Variants in DLG1 observed in about 807,000 individuals in gnomAD.
DLG1 encodes the protein disks large homolog 1.
DLG1 carries 42 observed loss-of-function variants against 123.4 expected under a neutral mutation model. The ratio of observed to expected loss-of-function variants is 0.34; its 90% CI spans 0.27 to 0.44. The LOEUF is 0.44. Among genes scored for constraint, DLG1 ranks in the 20% least tolerant of loss-of-function variants. The pLI, the probability that DLG1 is intolerant of heterozygous loss-of-function variation, is 1.00. For synonymous variants in DLG1, 317 were observed against 356.2 expected (o/e 0.89, Z 1.24); for missense variants, 942 against 1,082.6 (o/e 0.87, Z 1.82).
rs1366653963 is a variant in DLG1, at chr3:197,085,705, T to C, written c.1713A>G (p.Gly571=). 19 of 1,613,802 alleles carry C rather than the reference T, an allele frequency of 1.2e-5. No homozygotes were observed. Among genetic ancestry groups the C allele is most frequent in the Non-Finnish European group, 1.6e-5 (19 of 1,179,962 alleles). Residue 571 remains glycine, a synonymous_variant, in exon 16 of 25, where the codon GGA becomes GGG. Transcript: ENST00000667157. ...KTKDSGLPSQ[G]LNFKFGDILH... is the part of the protein sequence containing the mutation. ...GGATATCTCCAAATTTGAAGTTCAG[T>C]CCCTGACTGGGAAGCCCACTGTCTT...
At chr3:197,099,794 C>T (rs1172452588) in intron 14 of DLG1, among the ~76,000 whole-genome samples, 1 of 152,074 alleles carries the variant, frequency 6.6e-6, no homozygotes, top group Non-Finnish European at 1.5e-5. Flanking sequence ...CCAAGAGAAA[C>T]AATTCTCAGA....
chr3:197,084,484 G>A (rs1753066972), intron 16 of DLG1, among the ~76,000 whole-genome samples: 1 of 151,764 alleles, frequency 6.6e-6, no homozygotes, highest in Non-Finnish European at 1.5e-5. Context: ...GCTAATGTTT[G>A]TATTTTTAGT....
At chr3:197,275,313 A>G (rs967657339) in intron 4 of DLG1, among the ~76,000 whole-genome samples, 1 of 152,202 alleles carries the variant, frequency 6.6e-6, no homozygotes, top group African/African-American at 2.4e-5. Flanking sequence ...TGCTGATGGG[A>G]ATATAAATTA....
chr3:197,260,648 G>A (rs1272292911), intron 4 of DLG1, among the ~76,000 whole-genome samples: 1 of 145,886 alleles, frequency 6.9e-6, no homozygotes, highest in Non-Finnish European at 1.5e-5. Context: ...GAGGTTGACA[G>A]GAAGTCATCT....
intron 8 of DLG1, 34 bp downstream of exon 8, chr3:197,140,106 G>A: frequency 1.3e-6 from 2 of 1,598,080 alleles, no homozygotes; most frequent in Non-Finnish European, 1.7e-6. Context: ...ACACAAAGTG[G>A]ATTCAGCATC....
intron 4 of DLG1, among the ~76,000 whole-genome samples, chr3:197,275,845 T>C (rs543882676): frequency 1.2e-4 from 18 of 152,324 alleles, no homozygotes; most frequent in African/African-American, 4.1e-4. Context: ...CAACAATTTA[T>C]TGTATATTTC....
chr3:197,188,265 C>T (rs1056505503), intron 5 of DLG1, among the ~76,000 whole-genome samples: 17 of 152,202 alleles, frequency 1.1e-4, no homozygotes, highest in African/African-American at 4.1e-4. Flanking sequence ...CGGCCTCCTC[C>T]TCTGACTTGG....
At chr3:197,129,926 T>C (rs764465829) in intron 11 of DLG1, among the ~76,000 whole-genome samples, 2 of 152,134 alleles carry the variant, frequency 1.3e-5, no homozygotes, top group Non-Finnish European at 2.9e-5. Context: ...AGACTAGTGA[T>C]CACATATTAC....
intron 23 of DLG1, among the ~76,000 whole-genome samples, chr3:197,054,429 A>ATG (rs138514079): frequency 6.6e-5 from 10 of 151,636 alleles, no homozygotes; most frequent in Non-Finnish European, 1.5e-4. Flanking sequence ...TTCTTCAGTC[A>ATG]TTTCTCTGTT....
At chr3:197,222,100 C>G (rs190474615) in intron 4 of DLG1, among the ~76,000 whole-genome samples, 1 of 152,102 alleles carries the variant, frequency 6.6e-6, no homozygotes, top group Non-Finnish European at 1.5e-5. Context: ...AATTTTTCCC[C>G]CGAATTCTGA....
At position 197,259,055 on chromosome 3, in the gene DLG1, T is replaced by C. The variant is rs563259182; in HGVS notation, c.318+23624A>G. 1.8e-3 allele frequency among the ~76,000 whole-genome samples: 279 copies of C among 152,198 alleles called. 2 individuals carry two copies. The highest frequency in any genetic ancestry group is 6.2e-3 in the African/African-American group (259 of 41,546). On this transcript the variant is annotated intron_variant, in intron 4 of 24. Coordinates refer to ENST00000667157, the MANE Select transcript of DLG1 (RefSeq NM_001366207.1). Reference sequence around the variant, plus strand: ...AGGAAGATGGAGCAGAGAGAGGAGATAGATCATTTCAAATAACCTTGCTAT... The same window carrying C: ...AGGAAGATGGAGCAGAGAGAGGAGACAGATCATTTCAAATAACCTTGCTAT...
At chr3:197,185,266 T>G (rs1715179965) in intron 5 of DLG1, among the ~76,000 whole-genome samples, 1 of 152,244 alleles carries the variant, frequency 6.6e-6, no homozygotes, top group Non-Finnish European at 1.5e-5. Flanking sequence ...ACCAACTGGA[T>G]GCAGCCTTTT....
At chr3:197,188,532 C>A (rs1161853007) in intron 5 of DLG1, among the ~76,000 whole-genome samples, 1 of 152,098 alleles carries the variant, frequency 6.6e-6, no homozygotes, top group African/African-American at 2.4e-5. Context: ...TTTATTTTTA[C>A]CATTAGCTTT....
intron 4 of DLG1, among the ~76,000 whole-genome samples, chr3:197,262,946 T>C (rs936098959): frequency 1.3e-5 from 2 of 152,192 alleles, no homozygotes; most frequent in Non-Finnish European, 1.5e-5. Flanking sequence ...GGAAATTACA[T>C]GCTCTGTTGA....
chr3:197,224,154 T>C (rs1319457077), intron 4 of DLG1, among the ~76,000 whole-genome samples: 1 of 152,150 alleles, frequency 6.6e-6, no homozygotes, highest in African/African-American at 2.4e-5. Context: ...CAATATTTTC[T>C]TCATTTTCCC....
intron 4 of DLG1, among the ~76,000 whole-genome samples, chr3:197,253,569 T>C (rs1376093384): frequency 6.6e-6 from 1 of 152,242 alleles, no homozygotes; most frequent in Non-Finnish European, 1.5e-5. Flanking sequence ...TTGAAAATTA[T>C]GCTCAGTGAA....
In DLG1 at chr3:197,149,783, G is replaced by T; in HGVS notation, c.497C>A (p.Pro166Gln). 6.3e-7 allele frequency: 1 copy of T among 1,593,900 alleles called. No individual in the cohort carries two copies. The highest frequency in any genetic ancestry group is 8.6e-7 in the Non-Finnish European group (1 of 1,164,632). ...HISPIKANPP[P>Q]VLVNTDSLET... Reference sequence around the variant, plus strand: ...CAAGCTATCTGTGTTGACCAGTACTGGGGGAGGATTTGCCTTTAAGAAGAA... The same window carrying T: ...CAAGCTATCTGTGTTGACCAGTACTTGGGGAGGATTTGCCTTTAAGAAGAA... Residue 166 changes from proline to glutamine, a missense_variant, in exon 6 of 25, where the codon CCA (proline) becomes CAA (glutamine). Transcript: ENST00000667157.
intron 4 of DLG1, among the ~76,000 whole-genome samples, chr3:197,282,011 A>G (rs1769604704): frequency 6.6e-6 from 1 of 152,234 alleles, no homozygotes; most frequent in African/African-American, 2.4e-5. Flanking sequence ...AAAGGACTAG[A>G]TTCAAATTCA....
rs1435935052 is a variant in DLG1 at position 197,137,991 on chromosome 3, C to A, written c.883+231G>T. Among the ~76,000 whole-genome samples the A allele has an allele frequency of 1.4e-4, 19 of 133,364 alleles. No homozygotes were observed. The East Asian group carries it at 2.9e-3, about 20-fold the overall frequency. The allele number at this position is 133,364 out of a possible 152,430, so 87.5% of individuals were successfully genotyped here. A position where few individuals can be genotyped will look rare whatever the true frequency, so the allele number is the denominator to read the frequency against. ...TGCCTCAAAAAAACAAACAAAAAAA[C>A]CCCGCAAAAAAAGGAACTTTTCAAA... On this transcript the variant is annotated intron_variant, in intron 9 of 24. Transcript: ENST00000667157.
Sources: allele counts gnomAD v4.1 joint callset (sites outside exome capture counted in the v4.1 genomes callset), GRCh38; gene constraint gnomAD v4.1.1; transcripts MANE v1.5; gene names NCBI Gene and HGNC (gene_info 2026-07-23, HGNC 2026-07-21).